The following LIPI variants were observed in gnomAD, a reference collection of about 807,000 sequenced individuals.
LIPI encodes the protein lipase member I.
A neutral mutation model predicts 50.6 loss-of-function variants in LIPI; 59 were observed. The ratio of observed to expected loss-of-function variants is 1.16; its 90% CI spans 0.94 to 1.45. The LOEUF (loss-of-function observed/expected upper bound fraction) is 1.45. Among genes scored for constraint, LIPI ranks in the 40% most tolerant of loss-of-function variants. LIPI has a pLI of 0.00. For synonymous variants in LIPI, 203 were observed against 178.2 expected (o/e 1.14, Z -1.11); for missense variants, 586 against 536.3 (o/e 1.09, Z -0.92).
rs1404338692 is a variant in LIPI at position 14,210,945 on chromosome 21, G to C, written c.-100C>G. On this transcript the variant is annotated 5_prime_UTR_variant, in exon 1 of 10. Transcript: ENST00000681601. ...TTGGTAGGATCATCACAGGCTGGCA[G>C]GTTCTTCTGTAAAAGTTCACTGATT... 14 of 1,074,904 alleles carry C rather than the reference G, an allele frequency of 1.3e-5. No individual in the cohort carries two copies. Among genetic ancestry groups the C allele is most frequent in the Non-Finnish European group, 1.6e-5 (14 of 881,388 alleles). The allele number at this position is 1,074,904 out of a possible 1,614,324, so 66.6% of individuals were successfully genotyped here.
chr21:14,198,230 G>A (rs1024182571), intron 1 of LIPI, among the ~76,000 whole-genome samples: 2 of 152,036 alleles, frequency 1.3e-5, no homozygotes, highest in African/African-American at 2.4e-5. Context: ...AAAATAACCA[G>A]CCAACATCAT....
chr21:14,138,551 G>A (rs757220000), intron 9 of LIPI, among the ~76,000 whole-genome samples: 1 of 151,842 alleles, frequency 6.6e-6, no homozygotes, highest in African/African-American at 2.4e-5. Context: ...TTTAATCAAG[G>A]TATTTTTATA....
intron 2 of LIPI, 105 bp from the exon 3 acceptor site, chr21:14,186,174 G>T: frequency 1.3e-6 from 1 of 752,892 alleles, no homozygotes; most frequent in Non-Finnish European, 2.4e-6. Context: ...TTTCTGGCTT[G>T]ATTCATTTTG....
At chr21:14,115,713 G>C (rs1035256772) in intron 9 of LIPI, among the ~76,000 whole-genome samples, 1 of 152,136 alleles carries the variant, frequency 6.6e-6, no homozygotes, top group Admixed American at 6.5e-5. Context: ...AACCGACTCA[G>C]GAGTTGCAGG....
chr21:14,120,215 T>C lies in LIPI; in HGVS notation c.1296-11135A>G, dbSNP rs2016811150. 3.3e-5 allele frequency among the ~76,000 whole-genome samples: 5 copies of C among 152,200 alleles called. No individual in the cohort carries two copies. In the South Asian group the frequency reaches 1.0e-3, roughly 31 times the overall value. ...TATTTTACTGATGGAAGCAGCTTCA[T>C]ATCCAAGGGTGTCAAAAAGGCCAGA... is the stretch of plus-strand genomic sequence containing the variant. On this transcript the variant is annotated intron_variant, in intron 9 of 9. Coordinates refer to ENST00000681601, the MANE Select transcript of LIPI (RefSeq NM_001302998.2).
intron 6 of LIPI, 142 bp from the exon 7 acceptor site, chr21:14,163,665 T>C: frequency 1.6e-6 from 1 of 616,754 alleles, no homozygotes; most frequent in Non-Finnish European, 2.9e-6. Context: ...AAGCATTTTT[T>C]CAAATAATGT....
chr21:14,182,391 A>G (rs2019304283), intron 3 of LIPI, among the ~76,000 whole-genome samples: 1 of 152,134 alleles, frequency 6.6e-6, no homozygotes, highest in Non-Finnish European at 1.5e-5. Context: ...AATTCCATGG[A>G]GTGTGAATAT....
chr21:14,124,716 G>A (rs1184513445), intron 9 of LIPI, among the ~76,000 whole-genome samples: 3 of 152,262 alleles, frequency 2.0e-5, no homozygotes, highest in Admixed American at 2.0e-4. Context: ...AGACTTTTCT[G>A]GACACTAGTC....
At chr21:14,116,620 C>T (rs896720712) in intron 9 of LIPI, among the ~76,000 whole-genome samples, 4 of 152,084 alleles carry the variant, frequency 2.6e-5, no homozygotes, top group Non-Finnish European at 5.9e-5. Context: ...GTAGGGTGGC[C>T]AGCTGAGGGA....
intron 4 of LIPI, among the ~76,000 whole-genome samples, chr21:14,180,427 C>A (rs570410468): frequency 6.6e-6 from 1 of 152,238 alleles, no homozygotes; most frequent in South Asian, 2.1e-4. Context: ...GTGATGTCAC[C>A]CCTGGTGGAC....
intron 8 of LIPI, among the ~76,000 whole-genome samples, chr21:14,146,710 T>G (rs1461008700): frequency 6.6e-6 from 1 of 151,840 alleles, no homozygotes; most frequent in African/African-American, 2.4e-5. Flanking sequence ...TGAGTTCTAA[T>G]TTCTATAATA....
chr21:14,117,966 G>C, intron 9 of LIPI, among the ~76,000 whole-genome samples: 1 of 151,956 alleles, frequency 6.6e-6, no homozygotes, highest in East Asian at 1.9e-4. Flanking sequence ...TCACAGTAGA[G>C]GACAAGCTAG....
chr21:14,177,129 A>G (rs551877485), intron 4 of LIPI, among the ~76,000 whole-genome samples: 1 of 152,034 alleles, frequency 6.6e-6, no homozygotes, highest in Non-Finnish European at 1.5e-5. Flanking sequence ...TATGTATTTG[A>G]AGCTGTGTTA....
intron 9 of LIPI, among the ~76,000 whole-genome samples, chr21:14,124,478 G>A (rs963131951): frequency 6.6e-6 from 1 of 152,078 alleles, no homozygotes; most frequent in African/African-American, 2.4e-5. Flanking sequence ...AGCCTTATCT[G>A]TACTTGCTAG....
chr21:14,110,170 TC>T (rs2123287572), intron 9 of LIPI, among the ~76,000 whole-genome samples: 1 of 151,774 alleles, frequency 6.6e-6, no homozygotes, highest in South Asian at 2.1e-4. Flanking sequence ...TCAAGTACAA[TC>T]CAGTTTTCTA....
intron 2 of LIPI, among the ~76,000 whole-genome samples, chr21:14,186,878 C>A (rs951583715): frequency 6.6e-6 from 1 of 152,160 alleles, no homozygotes; most frequent in African/African-American, 2.4e-5. Flanking sequence ...ATGCCTTCTC[C>A]TTGGACTTCT....
chr21:14,128,167 G>T (rs965472383), intron 9 of LIPI, among the ~76,000 whole-genome samples: 1 of 151,994 alleles, frequency 6.6e-6, no homozygotes, highest in Non-Finnish European at 1.5e-5. Context: ...AAAATTAAAT[G>T]CATGTTTCAA....
intron 4 of LIPI, among the ~76,000 whole-genome samples, chr21:14,175,196 C>G (rs2019052436): frequency 9.5e-6 from 1 of 104,994 alleles, no homozygotes; most frequent in Non-Finnish European, 2.4e-5. Flanking sequence ...GGTTACATAC[C>G]TAGGAGTGGA....
At chr21:14,168,481 A>T (rs994628873) in intron 4 of LIPI, among the ~76,000 whole-genome samples, 2 of 152,210 alleles carry the variant, frequency 1.3e-5, no homozygotes, top group Admixed American at 6.5e-5. Context: ...CGGGTTACCC[A>T]CAAAGGGAAG....
Sources: allele counts gnomAD v4.1 joint callset (sites outside exome capture counted in the v4.1 genomes callset), GRCh38; gene constraint gnomAD v4.1.1; transcripts MANE v1.5; gene names NCBI Gene and HGNC (gene_info 2026-07-23, HGNC 2026-07-21).